The following ROBO1 variants were observed in gnomAD, a reference collection of about 807,000 sequenced individuals.
ROBO1 encodes roundabout homolog 1.
In ROBO1, 149 loss-of-function variants were observed where a neutral mutation model predicts 195.9. That is an observed-to-expected ratio of 0.76 (90% CI 0.67 to 0.87). The LOEUF is 0.87. Among genes scored for constraint, ROBO1 ranks in the 40% least tolerant of loss-of-function variants. The pLI is 0.00. For missense variants in ROBO1, 1,933 were observed against 2,068.3 expected (o/e 0.93, Z 1.27); for synonymous variants, 816 against 733.2 (o/e 1.11, Z -1.82).
At position 79,354,062 on chromosome 3, in the gene ROBO1, T is replaced by C. The variant is rs555639683; in HGVS notation, c.89-228523A>G. Among the ~76,000 whole-genome samples, 3 of 151,854 alleles carry C rather than the reference T, an allele frequency of 2.0e-5. No homozygotes were observed. In the South Asian group the frequency reaches 6.2e-4, roughly 32 times the overall value. ...TCTGTCTCACAAAAAAAAAAAAAGT[T>C]ATTAAGTTATTGTAATAGTTTAGGA... On this transcript the variant is annotated intron_variant, in intron 2 of 30. Transcript: ENST00000464233.
chr3:79,343,811 A>G (rs961064878), intron 2 of ROBO1, among the ~76,000 whole-genome samples: 1 of 152,104 alleles, frequency 6.6e-6, no homozygotes, highest in Non-Finnish European at 1.5e-5. Flanking sequence ...GGAAGAAAAA[A>G]CATTTAAAAT....
chr3:79,720,704 T>C (rs1197410688), intron 1 of ROBO1, among the ~76,000 whole-genome samples: 1 of 152,102 alleles, frequency 6.6e-6, no homozygotes, highest in Non-Finnish European at 1.5e-5. Context: ...TGGAAATATG[T>C]GAGATTTCTA....
chr3:78,678,908 T>C (rs952974302), intron 10 of ROBO1, among the ~76,000 whole-genome samples: 4 of 152,070 alleles, frequency 2.6e-5, no homozygotes, highest in Non-Finnish European at 5.9e-5. Flanking sequence ...TTGATGAACA[T>C]TGATGCAAAA....
At chr3:79,584,926 T>C (rs1333214480) in intron 2 of ROBO1, among the ~76,000 whole-genome samples, 6 of 151,770 alleles carry the variant, frequency 4.0e-5, no homozygotes, top group Non-Finnish European at 8.8e-5. Flanking sequence ...TTAAGTCCAT[T>C]ATTATTGTTG....
intron 10 of ROBO1, among the ~76,000 whole-genome samples, chr3:78,674,584 G>A (rs1000705732): frequency 6.6e-6 from 1 of 152,150 alleles, no homozygotes; most frequent in African/African-American, 2.4e-5. Context: ...AGAGTTTGCA[G>A]GGTGAAACAG....
chr3:79,516,595 C>G (rs1940955131), intron 2 of ROBO1, among the ~76,000 whole-genome samples: 1 of 151,966 alleles, frequency 6.6e-6, no homozygotes, highest in African/African-American at 2.4e-5. Flanking sequence ...TATTCTGATT[C>G]CCTTTTTATT....
intron 2 of ROBO1, among the ~76,000 whole-genome samples, chr3:79,179,521 A>G (rs868406153): frequency 2.0e-5 from 3 of 152,316 alleles, no homozygotes; most frequent in South Asian, 2.1e-4. Flanking sequence ...ACCAGGTTAG[A>G]TCACATTTTG....
intron 3 of ROBO1, among the ~76,000 whole-genome samples, chr3:79,070,295 T>C (rs9872251): frequency 0.14 from 20,997 of 151,892 alleles, 2,528 homozygotes; most frequent in African/African-American, 0.33. Flanking sequence ...TATTTACTCA[T>C]TTAACGCATT....
intron 2 of ROBO1, among the ~76,000 whole-genome samples, chr3:79,535,031 T>C (rs1472861555): frequency 6.6e-6 from 1 of 152,030 alleles, no homozygotes; most frequent in Admixed American, 6.6e-5. Flanking sequence ...TTTTATACGA[T>C]CTCTCCTAGA....
intron 2 of ROBO1, among the ~76,000 whole-genome samples, chr3:79,266,061 A>C (rs1238219408): frequency 6.6e-6 from 1 of 151,608 alleles, no homozygotes; most frequent in Non-Finnish European, 1.5e-5. Flanking sequence ...TATTTGTAAA[A>C]GTTAATACCA....
Position 78,627,412 on chromosome 3 carries a change from T to C in ROBO1, c.3784A>G (p.Thr1262Ala). The change falls in exon 26 of 31, where the codon ACT becomes GCT. Residue 1262 changes from threonine to alanine, a missense_variant. Coordinates refer to ENST00000464233, the MANE Select transcript of ROBO1 (RefSeq NM_002941.4). ...AVSYSHQSTA[T>A]LTPSPQEELQ... ...TCTTCCTGTGGGGAGGGAGTCAGAG[T>C]GGCAGTGGACTGATGGCTATAGGAC... is the stretch of plus-strand genomic sequence containing the variant. 6.2e-7 allele frequency: 1 copy of C among 1,612,570 alleles called. No homozygotes were observed. Among genetic ancestry groups the C allele is most frequent in the Non-Finnish European group, 8.5e-7 (1 of 1,179,376 alleles).
chr3:79,237,361 G>A (rs2082428990), intron 2 of ROBO1, among the ~76,000 whole-genome samples: 2 of 151,878 alleles, frequency 1.3e-5, no homozygotes, highest in African/African-American at 4.8e-5. Context: ...GGCGCCTGTA[G>A]TCCCAGCTAC....
rs560985087 is a variant in ROBO1 at position 79,575,791 on chromosome 3, G to A, written c.88+14033C>T. ...CATAGTCATCTTGCTAAACAATCTCGTAATAATTACAATAAAATCATCATT... is the reference window on the plus strand; with the variant it reads ...CATAGTCATCTTGCTAAACAATCTCATAATAATTACAATAAAATCATCATT... On this transcript the variant is annotated intron_variant, in intron 2 of 30. Transcript: ENST00000464233. 2.6e-4 allele frequency among the ~76,000 whole-genome samples: 39 copies of A among 151,332 alleles called. 1 individual carries two copies. Among genetic ancestry groups the A allele is most frequent in the Middle Eastern group, 3.4e-3 (1 of 292 alleles).
At chr3:79,586,964 T>A (rs1020140618) in intron 2 of ROBO1, among the ~76,000 whole-genome samples, 2 of 151,810 alleles carry the variant, frequency 1.3e-5, no homozygotes, top group African/African-American at 4.8e-5. Context: ...GTGGTTTTCA[T>A]AAAAAAGAGG....
intron 1 of ROBO1, among the ~76,000 whole-genome samples, chr3:79,677,594 G>T (rs59864854): frequency 6.6e-6 from 1 of 151,996 alleles, no homozygotes; most frequent in African/African-American, 2.4e-5. Context: ...CCCACAACAC[G>T]TGGGAATTAT....
At chr3:79,219,358 C>A (rs185358685) in intron 2 of ROBO1, among the ~76,000 whole-genome samples, 1 of 151,722 alleles carries the variant, frequency 6.6e-6, no homozygotes, top group Non-Finnish European at 1.5e-5. Context: ...AGTTGCATAC[C>A]GAGGAAGTAA....
At chr3:79,105,496 T>A (rs976460483) in intron 3 of ROBO1, among the ~76,000 whole-genome samples, 1 of 151,710 alleles carries the variant, frequency 6.6e-6, no homozygotes, top group East Asian at 1.9e-4. Flanking sequence ...AGCTAGCAAT[T>A]TGGTAAGTTT....
chr3:78,933,280 G>C (rs889129032), intron 4 of ROBO1, among the ~76,000 whole-genome samples: 3 of 151,970 alleles, frequency 2.0e-5, no homozygotes, highest in Admixed American at 6.6e-5. Flanking sequence ...CTCTCATATG[G>C]CTTATGAAAC....
intron 14 of ROBO1, among the ~76,000 whole-genome samples, chr3:78,665,978 T>G (rs1011112028): frequency 2.6e-5 from 4 of 151,956 alleles, no homozygotes; most frequent in Admixed American, 2.6e-4. Context: ...TCCCCATGTG[T>G]CACGGGAGGG....
Sources: gnomAD v4.1 joint callset for allele counts (sites outside exome capture counted in the v4.1 genomes callset) on GRCh38, gnomAD v4.1.1 for gene constraint, MANE v1.5 for transcripts, NCBI Gene and HGNC (gene_info 2026-07-23, HGNC 2026-07-21) for gene names.